IL1RAPL2: variants seen among roughly 807,000 people sequenced by gnomAD.
IL1RAPL2 encodes X-linked interleukin-1 receptor accessory protein-like 2.
IL1RAPL2 carries 3 observed loss-of-function variants against 44.1 expected under a neutral mutation model. The observed-to-expected ratio is 0.07, with a 90% CI of 0.03 to 0.18. The LOEUF (loss-of-function observed/expected upper bound fraction) is 0.18. IL1RAPL2 is among the 10% of genes least tolerant of loss of function. The pLI is 1.00. For missense variants in IL1RAPL2, 391 were observed against 496.4 expected (o/e 0.79, Z 2.02); for synonymous variants, 181 against 178.8 (o/e 1.01, Z -0.10).
intron 6 of IL1RAPL2, among the ~76,000 whole-genome samples, chrX:105,677,667 G>C (rs1358918198): frequency 3.6e-5 from 4 of 111,026 alleles, no homozygotes; most frequent in South Asian, 3.8e-4. Flanking sequence ...TTTTTTTGGT[G>C]GAAGAAGGGG....
chrX:105,188,898 G>C (rs2033612125), intron 2 of IL1RAPL2, among the ~76,000 whole-genome samples: 1 of 112,008 alleles, frequency 8.9e-6, no homozygotes, highest in African/African-American at 3.2e-5. Context: ...CAAAAGCTCT[G>C]TCTGTACTTC....
intron 6 of IL1RAPL2, among the ~76,000 whole-genome samples, chrX:105,697,213 A>G (rs903301108): frequency 9.2e-6 from 1 of 108,918 alleles, no homozygotes; most frequent in Non-Finnish European, 1.9e-5. Context: ...CCCACTTTCA[A>G]CCTTGGGGTT....
intron 7 of IL1RAPL2, among the ~76,000 whole-genome samples, chrX:105,721,845 T>C (rs777286728): frequency 2.7e-4 from 30 of 112,073 alleles, no homozygotes; most frequent in Non-Finnish European, 3.4e-4. Flanking sequence ...GAAATTTATT[T>C]TGAAAATTTC....
At chrX:105,086,257 TGATACACACACACA>T (rs1339887952) in intron 2 of IL1RAPL2, among the ~76,000 whole-genome samples, 2 of 78,008 alleles carry the variant, frequency 2.6e-5, no homozygotes, top group African/African-American at 4.6e-5. Context: ...AAAGAAAATG[TGATACACACACACA>T]CACACACACA....
chrX:104,737,001 T>C (rs1932023998), intron 2 of IL1RAPL2, among the ~76,000 whole-genome samples: 1 of 112,420 alleles, frequency 8.9e-6, no homozygotes, highest in Non-Finnish European at 1.9e-5. Flanking sequence ...ATCTAAGCAA[T>C]GGTACAGGCA....
intron 2 of IL1RAPL2, among the ~76,000 whole-genome samples, chrX:105,040,386 C>A (rs181129748): frequency 5.4e-5 from 6 of 111,486 alleles, no homozygotes; most frequent in Non-Finnish European, 3.8e-5. Flanking sequence ...GAGGATGATG[C>A]TGGCCTCATA....
At position 105,756,026 on chromosome X, in the gene IL1RAPL2, A is replaced by G. The variant is rs928328897; in HGVS notation, c.1363+679A>G. ...CACATACACAGTAAAGTATAAGGGGAACACAGAGAAATCTAAGACATAGTC... is the reference window on the plus strand; with the variant it reads ...CACATACACAGTAAAGTATAAGGGGGACACAGAGAAATCTAAGACATAGTC... On this transcript the variant is annotated intron_variant, in intron 10 of 10. Coordinates refer to ENST00000372582, the MANE Select transcript of IL1RAPL2 (RefSeq NM_017416.2). Among the ~76,000 whole-genome samples the G allele has an allele frequency of 9.8e-4, 109 of 111,644 alleles. 1 individual carries two copies. The highest frequency in any genetic ancestry group is 5.1e-3 in the Admixed American group (53 of 10,490).
chrX:105,116,120 C>T (rs1458148962), intron 2 of IL1RAPL2, among the ~76,000 whole-genome samples: 3 of 111,687 alleles, frequency 2.7e-5, no homozygotes, highest in African/African-American at 9.8e-5. Flanking sequence ...GGAGGGAAGC[C>T]GGCTCTGGCC....
chrX:104,957,022 T>C (rs1482836237), intron 2 of IL1RAPL2, among the ~76,000 whole-genome samples: 1 of 111,996 alleles, frequency 8.9e-6, no homozygotes, highest in African/African-American at 3.2e-5. Context: ...AGCTAGAAGG[T>C]GCTAAAAACA....
At chrX:105,433,370 G>A (rs188897415) in intron 5 of IL1RAPL2, among the ~76,000 whole-genome samples, 420 of 111,054 alleles carry the variant, frequency 3.8e-3, no homozygotes, top group African/African-American at 0.013. Context: ...GAATTAAATG[G>A]TTCTGTTAGT....
intron 5 of IL1RAPL2, among the ~76,000 whole-genome samples, chrX:105,299,568 A>C (rs1403907734): frequency 9.0e-6 from 1 of 111,418 alleles, no homozygotes; most frequent in Non-Finnish European, 1.9e-5. Context: ...CTGGAATTTG[A>C]GGTTTGAAAA....
intron 6 of IL1RAPL2, 117 bp from the exon 7 acceptor site, chrX:105,717,249 GA>G: frequency 3.4e-6 from 2 of 580,713 alleles, no homozygotes; most frequent in Non-Finnish European, 5.0e-6. Context: ...AAGATGACTA[GA>G]AAAAGAGTTG....
chrX:104,844,395 A>G (rs1275249752), intron 2 of IL1RAPL2, among the ~76,000 whole-genome samples: 1 of 111,307 alleles, frequency 9.0e-6, no homozygotes, highest in Non-Finnish European at 1.9e-5. Context: ...GCTATGATTA[A>G]ATGATATTTG....
At chrX:104,919,523 C>CTTTT (rs10666066) in intron 2 of IL1RAPL2, among the ~76,000 whole-genome samples, 9 of 84,623 alleles carry the variant, frequency 1.1e-4, no homozygotes, top group Admixed American at 1.4e-4. Context: ...CCACGCCTGG[C>CTTTT]TTTTTTTTTT....
intron 6 of IL1RAPL2, among the ~76,000 whole-genome samples, chrX:105,614,697 C>A (rs759335085): frequency 8.9e-6 from 1 of 111,920 alleles, no homozygotes; most frequent in South Asian, 3.7e-4. Context: ...GGATTAAAGA[C>A]TTAAATCGAA....
At chrX:105,164,769 G>A (rs909856223) in intron 2 of IL1RAPL2, among the ~76,000 whole-genome samples, 3 of 111,468 alleles carry the variant, frequency 2.7e-5, no homozygotes, top group African/African-American at 6.5e-5. Flanking sequence ...GAGTTTGAAC[G>A]GATTATATAC....
intron 2 of IL1RAPL2, among the ~76,000 whole-genome samples, chrX:105,031,275 A>G (rs1267250082): frequency 1.9e-5 from 2 of 107,106 alleles, no homozygotes; most frequent in Non-Finnish European, 3.9e-5. Flanking sequence ...AACTTCCAAC[A>G]CTATGTTGAA....
Position 105,372,179 on chromosome X carries a change from T to C in IL1RAPL2, c.697+104638T>C, listed in dbSNP as rs186330554. On this transcript the variant is annotated intron_variant, in intron 5 of 10. Transcript: ENST00000372582. ...GGTTAGGCACAGTGGCTCACGACTG[T>C]AATCCCAGCACTTTGGGAGGCCGAG... Among the ~76,000 whole-genome samples, 5 of 111,360 alleles carry C rather than the reference T, an allele frequency of 4.5e-5. No homozygotes were observed. In the Admixed American group the frequency reaches 4.8e-4, roughly 11 times the overall value.
chrX:104,948,268 A>G (rs1925452635), intron 2 of IL1RAPL2, among the ~76,000 whole-genome samples: 1 of 109,397 alleles, frequency 9.1e-6, no homozygotes, highest in Non-Finnish European at 1.9e-5. Context: ...CATTGATTTT[A>G]TATACTGAGA....
Sources: gnomAD v4.1 joint callset for allele counts (sites outside exome capture counted in the v4.1 genomes callset) on GRCh38, gnomAD v4.1.1 for gene constraint, MANE v1.5 for transcripts, NCBI Gene and HGNC (gene_info 2026-07-23, HGNC 2026-07-21) for gene names.